Variants in RHOU observed in about 807,000 individuals in gnomAD.
RHOU encodes the protein ras homolog family member U.
A neutral mutation model predicts 12.6 loss-of-function variants in RHOU; 8 were observed. The ratio of observed to expected loss-of-function variants is 0.64; its 90% CI spans 0.37 to 1.15. The LOEUF (loss-of-function observed/expected upper bound fraction) is 1.15, where lower values mean the gene tolerates loss of function less well. Ranked by LOEUF, RHOU falls within the 50% of genes most tolerant of loss-of-function variation. The pLI, the probability that RHOU is intolerant of heterozygous loss-of-function variation, is 0.01. For missense variants in RHOU, 258 were observed against 347.0 expected (o/e 0.74, Z 2.04); for synonymous variants, 161 against 147.4 (o/e 1.09, Z -0.67).
chr1:228,687,358 A>C, the RHOU span: 2 of 802,234 alleles, frequency 2.5e-6, no homozygotes, highest in East Asian at 4.8e-5. Context: ...AACGAACTTA[A>C]GTGGATGTTT....
chr1:228,700,772 T>C, the RHOU span, among the ~76,000 whole-genome samples: 1 of 152,184 alleles, frequency 6.6e-6, no homozygotes, highest in Non-Finnish European at 1.5e-5. Context: ...CATTTCTTAT[T>C]TGACAATGCT....
chr1:228,722,915 C>G, the RHOU span, among the ~76,000 whole-genome samples: 1 of 152,318 alleles, frequency 6.6e-6, no homozygotes, highest in Non-Finnish European at 1.5e-5. Flanking sequence ...GCCACCATTC[C>G]CGGCCCCGGC....
At chr1:228,647,352 G>T in the RHOU span, among the ~76,000 whole-genome samples, 1 of 152,230 alleles carries the variant, frequency 6.6e-6, no homozygotes, top group Admixed American at 6.5e-5. Context: ...CCGCCCTTTT[G>T]GCGGGAGCCG....
chr1:228,680,830 C>G, the RHOU span, among the ~76,000 whole-genome samples: 1 of 152,236 alleles, frequency 6.6e-6, no homozygotes, highest in South Asian at 2.1e-4. Flanking sequence ...GCTTTGTGAG[C>G]TGCCTTTTTA....
intron 2 of RHOU, among the ~76,000 whole-genome samples, chr1:228,742,160 A>G (rs933994338): frequency 5.3e-5 from 8 of 152,366 alleles, no homozygotes; most frequent in African/African-American, 1.9e-4. Context: ...ACAGATATAC[A>G]TTTTACATAG....
chr1:228,687,823 G>A, the RHOU span: 1 of 1,251,670 alleles, frequency 8.0e-7, no homozygotes. Flanking sequence ...GATAATGAAA[G>A]CTAAGCCTCA....
upstream of RHOU, among the ~76,000 whole-genome samples, chr1:228,734,478 T>C (rs2102713607): frequency 6.6e-6 from 1 of 152,328 alleles, no homozygotes; most frequent in South Asian, 2.1e-4. Context: ...CCCAAAACGT[T>C]ACTTAATATC....
the RHOU span, among the ~76,000 whole-genome samples, chr1:228,729,472 C>T: frequency 1.3e-5 from 2 of 152,088 alleles, no homozygotes; most frequent in African/African-American, 4.8e-5. Flanking sequence ...TAGAAATGCA[C>T]GGGTACATAT....
chr1:228,647,164 C>G, the RHOU span, among the ~76,000 whole-genome samples: 3 of 152,170 alleles, frequency 2.0e-5, no homozygotes, highest in African/African-American at 7.2e-5. Flanking sequence ...AGCAGGGCGG[C>G]CAGGCGGCCC....
chr1:228,708,355 G>A, the RHOU span, among the ~76,000 whole-genome samples: 6 of 151,692 alleles, frequency 4.0e-5, no homozygotes, highest in Non-Finnish European at 2.9e-5. Context: ...ACACATAATT[G>A]TCAGATTCAC....
chr1:228,704,386 G>T, the RHOU span, among the ~76,000 whole-genome samples: 2 of 151,822 alleles, frequency 1.3e-5, no homozygotes, highest in Non-Finnish European at 2.9e-5. Context: ...AGATATTTGG[G>T]GTTCACAAAT....
At chr1:228,710,648 A>G in the RHOU span, among the ~76,000 whole-genome samples, 1 of 152,026 alleles carries the variant, frequency 6.6e-6, no homozygotes, top group East Asian at 1.9e-4. Context: ...TTAGGTATTG[A>G]TGGGACATAT....
chr1:228,729,517 G>A, the RHOU span, among the ~76,000 whole-genome samples: 5 of 152,200 alleles, frequency 3.3e-5, no homozygotes, highest in Admixed American at 6.5e-5. Flanking sequence ...GTATAGAAAT[G>A]CAGGGTATGC....
chr1:228,736,049 C>A, intron 1 of RHOU, 45 bp downstream of exon 1: 5 of 1,552,140 alleles, frequency 3.2e-6, no homozygotes, highest in Non-Finnish European at 4.3e-6. Flanking sequence ...TGGCCGCGGT[C>A]CACCCAGGGG....
the RHOU span, among the ~76,000 whole-genome samples, chr1:228,656,152 A>C: frequency 6.6e-6 from 1 of 152,248 alleles, no homozygotes; most frequent in East Asian, 1.9e-4. Context: ...GCTTAGTCTC[A>C]AATAAATATC....
the RHOU span, among the ~76,000 whole-genome samples, chr1:228,677,539 G>A: frequency 1.3e-5 from 2 of 152,128 alleles, no homozygotes; most frequent in African/African-American, 4.8e-5. Flanking sequence ...GGGCCTCAGC[G>A]ATTTTGGAGG....
the RHOU span, among the ~76,000 whole-genome samples, chr1:228,674,741 T>C: frequency 6.6e-6 from 1 of 151,834 alleles, no homozygotes; most frequent in Non-Finnish European, 1.5e-5. Flanking sequence ...AAATTTTTTT[T>C]TATTTTTAAG....
chr1:228,741,049 T>C (rs1662711148), intron 2 of RHOU, among the ~76,000 whole-genome samples: 1 of 152,018 alleles, frequency 6.6e-6, no homozygotes, highest in African/African-American at 2.4e-5. Flanking sequence ...AGCTGAAAAT[T>C]CTTCAGCCTT....
the RHOU span, among the ~76,000 whole-genome samples, chr1:228,658,601 G>T: frequency 1.3e-5 from 2 of 152,160 alleles, no homozygotes; most frequent in African/African-American, 4.8e-5. Flanking sequence ...CCAATCTCAG[G>T]TATTTTGTTA....
Sources: allele counts gnomAD v4.1 joint callset (sites outside exome capture counted in the v4.1 genomes callset), GRCh38; gene constraint gnomAD v4.1.1; transcripts MANE v1.5; gene names NCBI Gene and HGNC (gene_info 2026-07-23, HGNC 2026-07-21).